VPS13C: variants seen among roughly 807,000 people sequenced by gnomAD.
VPS13C encodes the protein vacuolar protein sorting 13 homolog C.
VPS13C carries 358 observed loss-of-function variants against 456.8 expected under a neutral mutation model. The observed-to-expected ratio is 0.78, with a 90% CI of 0.72 to 0.86. The LOEUF (loss-of-function observed/expected upper bound fraction) is 0.86. VPS13C is among the 40% of genes least tolerant of loss of function. VPS13C has a pLI of 0.00. For missense variants in VPS13C, 4,818 were observed against 4,385.4 expected, an observed-to-expected ratio of 1.10 and a Z score of -2.79; for synonymous variants, 1,578 against 1,486.7, an observed-to-expected ratio of 1.06 and a Z score of -1.41.
chr15:62,016,778 T>C (rs915598035), intron 9 of VPS13C, among the ~76,000 whole-genome samples: 3 of 152,118 alleles, frequency 2.0e-5, no homozygotes, highest in Non-Finnish European at 4.4e-5. Flanking sequence ...TTCCTTTGGG[T>C]ATATACCCAG....
At position 61,950,945 on chromosome 15, in the gene VPS13C, C is replaced by T; in HGVS notation, c.4536G>A (p.Lys1512=). 1.9e-6 allele frequency: 3 copies of T among 1,584,630 alleles called. No individual in the cohort carries two copies. Among genetic ancestry groups the T allele is most frequent in the Non-Finnish European group, 2.6e-6 (3 of 1,162,910 alleles). The change falls in exon 40 of 85, where the codon AAG becomes AAA. Residue 1512 remains lysine, a splice_region_variant and synonymous_variant. Coordinates refer to ENST00000644861, the MANE Select transcript of VPS13C (RefSeq NM_020821.3). The part of the protein sequence containing the change: ...DEPLLKMLLT[K]ADSDGPEFKT... ...GAATCCTAGAAATGAAACTAGTTAC[C>T]TTTGTCAGTAACATTTTCAGAAGGG...
At chr15:61,915,302 A>C (rs767362855) in intron 61 of VPS13C, among the ~76,000 whole-genome samples, 2 of 152,192 alleles carry the variant, frequency 1.3e-5, no homozygotes, top group Non-Finnish European at 2.9e-5. Context: ...ATATATGCCA[A>C]ATTCAATGGT....
chr15:61,908,013 T>C (rs1442433839), intron 65 of VPS13C, among the ~76,000 whole-genome samples: 2 of 152,118 alleles, frequency 1.3e-5, no homozygotes, highest in Admixed American at 6.5e-5. Flanking sequence ...GTGTGGTCCG[T>C]AAACAGGCAG....
chr15:61,901,876 T>C (rs1434643088), intron 66 of VPS13C, among the ~76,000 whole-genome samples: 2 of 152,024 alleles, frequency 1.3e-5, no homozygotes, highest in East Asian at 1.9e-4. Flanking sequence ...TGTCCAACAA[T>C]GATAGACTGG....
intron 60 of VPS13C, among the ~76,000 whole-genome samples, chr15:61,916,998 A>G (rs964387493): frequency 2.0e-5 from 3 of 152,160 alleles, no homozygotes; most frequent in Non-Finnish European, 2.9e-5. Flanking sequence ...CAAACTGCCT[A>G]GGTTCAAATC....
At chr15:61,983,671 C>A in intron 20 of VPS13C, 149 bp downstream of exon 20, 1 of 850,574 alleles carries the variant, frequency 1.2e-6, no homozygotes, top group Non-Finnish European at 1.8e-6. Context: ...AGCTGCTGAA[C>A]ATATACTGCT....
At chr15:61,996,303 C>A (rs2046385269) in intron 16 of VPS13C, among the ~76,000 whole-genome samples, 1 of 152,136 alleles carries the variant, frequency 6.6e-6, no homozygotes, top group Admixed American at 6.5e-5. Context: ...AAGAGCTGAA[C>A]TGAAATCTGA....
intron 9 of VPS13C, among the ~76,000 whole-genome samples, chr15:62,016,164 T>C (rs2047239824): frequency 6.6e-6 from 1 of 151,202 alleles, no homozygotes; most frequent in Non-Finnish European, 1.5e-5. Context: ...CACCCTACCA[T>C]TCTTCTTCCT....
chr15:61,865,806 A>G (rs1894539903), intron 81 of VPS13C: 1 of 834,532 alleles, frequency 1.2e-6, no homozygotes, highest in African/African-American at 1.8e-5. Flanking sequence ...GTGTGTGTAT[A>G]TATATATGAA....
At chr15:61,891,112 A>T (rs566455004) in intron 66 of VPS13C, among the ~76,000 whole-genome samples, 1 of 152,196 alleles carries the variant, frequency 6.6e-6, no homozygotes, top group South Asian at 2.1e-4. Flanking sequence ...TATTTTCATG[A>T]TCTATAACAT....
At chr15:61,948,408 G>A (rs747698485) in intron 42 of VPS13C, among the ~76,000 whole-genome samples, 10 of 152,074 alleles carry the variant, frequency 6.6e-5, no homozygotes, top group East Asian at 5.8e-4. Context: ...CCGGCCGGGC[G>A]TGGTGGCTCA....
intron 9 of VPS13C, among the ~76,000 whole-genome samples, chr15:62,015,037 G>C (rs1036425311): frequency 1.3e-5 from 2 of 152,108 alleles, no homozygotes; most frequent in Non-Finnish European, 2.9e-5. Context: ...CCATTCTTAT[G>C]CAATAGTATA....
chr15:62,025,848 A>C (rs1387252540), intron 6 of VPS13C, among the ~76,000 whole-genome samples: 1 of 152,022 alleles, frequency 6.6e-6, no homozygotes, highest in Non-Finnish European at 1.5e-5. Context: ...GTGGGTTATA[A>C]CTACTGATAT....
chr15:62,023,554 T>C (rs772638897), intron 7 of VPS13C, 34 bp from the exon 8 acceptor site: 36 of 1,475,684 alleles, frequency 2.4e-5, no homozygotes, highest in African/African-American at 1.9e-4. Context: ...AGCTCAAGAG[T>C]TGAAATTCTC....
At chr15:61,940,537 T>C in intron 47 of VPS13C, 110 bp downstream of exon 47, 2 of 1,104,088 alleles carry the variant, frequency 1.8e-6, no homozygotes, top group Non-Finnish European at 1.2e-6. Context: ...CTGGTTTAGC[T>C]TTATCAATAA....
At chr15:61,886,204 T>C (rs981185292) in intron 67 of VPS13C, among the ~76,000 whole-genome samples, 3 of 152,130 alleles carry the variant, frequency 2.0e-5, no homozygotes, top group African/African-American at 7.2e-5. Flanking sequence ...AGCCTCATTA[T>C]TGTTTTTTGT....
chr15:61,970,034 C>T (rs923277226), intron 27 of VPS13C, among the ~76,000 whole-genome samples: 5 of 152,046 alleles, frequency 3.3e-5, no homozygotes, highest in Non-Finnish European at 5.9e-5. Context: ...TAAGGACTTC[C>T]GGTGTCATAA....
chr15:61,929,501 C>G lies in VPS13C; in HGVS notation c.6286G>C (p.Asp2096His). Residue 2096 changes from aspartate (D) to histidine (H), a missense_variant and splice_region_variant, in exon 51 of 85, where the codon GAT (aspartate) becomes CAT (histidine). Physicochemically the swap from Asp to His is moderately conservative, Grantham distance 81 (BLOSUM62 -1). Coordinates refer to ENST00000644861, the MANE Select transcript of VPS13C (RefSeq NM_020821.3). ...TATGKVKIEKDDSVRPNMTLK... is the reference protein window; with the variant it reads ...TATGKVKIEKHDSVRPNMTLK... The stretch of plus-strand genomic sequence containing the variant: ...TCTATGACAGATAAATTCTGCTAAC[C>G]TTTCTCTATCTTGACCTTCCCTGTG... 6.2e-7 allele frequency: 1 copy of G among 1,612,312 alleles called. No homozygotes were observed. The highest frequency in any genetic ancestry group is 8.5e-7 in the Non-Finnish European group (1 of 1,178,754).
At chr15:61,989,227 C>T (rs181668656) in intron 18 of VPS13C, among the ~76,000 whole-genome samples, 2 of 99,200 alleles carry the variant, frequency 2.0e-5, no homozygotes, top group African/African-American at 7.4e-5. Context: ...CCTGTCTCTA[C>T]AAAAAAAAAA....
Sources: gnomAD v4.1 joint callset for allele counts (sites outside exome capture counted in the v4.1 genomes callset) on GRCh38, gnomAD v4.1.1 for gene constraint, MANE v1.5 for transcripts, NCBI Gene and HGNC (gene_info 2026-07-23, HGNC 2026-07-21) for gene names.